LTBP1: variants seen among roughly 807,000 people sequenced by gnomAD.
LTBP1 encodes latent transforming growth factor beta binding protein 1.
Under a neutral mutation model 207.6 loss-of-function variants are expected in LTBP1, and 129 were observed. The ratio of observed to expected loss-of-function variants is 0.62; its 90% CI spans 0.54 to 0.72. The LOEUF (loss-of-function observed/expected upper bound fraction) is 0.72, where lower values mean the gene tolerates loss of function less well. Among genes scored for constraint, LTBP1 ranks in the 30% least tolerant of loss-of-function variants. LTBP1 has a pLI of 0.00. For missense variants in LTBP1, 2,281 were observed against 2,217.2 expected, an observed-to-expected ratio of 1.03 and a Z score of -0.58; for synonymous variants, 963 against 833.7, an observed-to-expected ratio of 1.16 and a Z score of -2.67.
intron 3 of LTBP1, among the ~76,000 whole-genome samples, chr2:33,098,772 T>G (rs1300904022): frequency 6.6e-6 from 1 of 152,152 alleles, no homozygotes; most frequent in Non-Finnish European, 1.5e-5. Context: ...AGTCAATATA[T>G]TTTTTCCGAA....
intron 7 of LTBP1, among the ~76,000 whole-genome samples, chr2:33,207,437 T>C (rs1372640736): frequency 2.6e-5 from 4 of 152,178 alleles, no homozygotes; most frequent in Non-Finnish European, 5.9e-5. Flanking sequence ...AGGATTATAG[T>C]TGTATCAGAT....
At chr2:33,049,277 A>G (rs1354362984) in intron 3 of LTBP1, among the ~76,000 whole-genome samples, 3 of 152,218 alleles carry the variant, frequency 2.0e-5, no homozygotes, top group East Asian at 3.8e-4. Context: ...TTTTCCAATA[A>G]GTTTGTAAGA....
chr2:33,262,980 CAGCATTGTA>C (rs2093061363), intron 14 of LTBP1, among the ~76,000 whole-genome samples, 159 bp downstream of exon 14: 1 of 151,182 alleles, frequency 6.6e-6, no homozygotes, highest in Admixed American at 6.6e-5. Context: ...AGCATAATTA[CAGCATTGTA>C]AGGATTGTAG....
At chr2:33,083,839 A>G (rs1490167001) in intron 3 of LTBP1, among the ~76,000 whole-genome samples, 1 of 152,212 alleles carries the variant, frequency 6.6e-6, no homozygotes, top group East Asian at 1.9e-4. Flanking sequence ...GTTATTCACG[A>G]AGGGAACATT....
intron 31 of LTBP1, among the ~76,000 whole-genome samples, chr2:33,387,942 C>T (rs1264970044): frequency 1.3e-5 from 2 of 152,202 alleles, no homozygotes; most frequent in Non-Finnish European, 2.9e-5. Flanking sequence ...GGGCCTGTAG[C>T]CTGCCTGCAC....
chr2:33,243,716 C>CCATG lies in LTBP1; in HGVS notation c.1932_1935dup (p.Gly646HisfsTer24). 6.2e-7 allele frequency: 1 copy of CCATG among 1,613,206 alleles called. No individual in the cohort carries two copies. The highest frequency in any genetic ancestry group is 8.5e-7 in the Non-Finnish European group (1 of 1,179,182). Reference sequence around the variant, plus strand: ...TGCCCTAATGGTGAGTGTTTGAATACCATGGGCAGCTATCGATGTACCTGC... The same window carrying CCATG: ...TGCCCTAATGGTGAGTGTTTGAATACCATGCATGGGCAGCTATCGATGTACCTGC... On this transcript the variant is annotated frameshift_variant, in exon 10 of 34. Coordinates refer to ENST00000404816, the MANE Select transcript of LTBP1 (RefSeq NM_206943.4). LOFTEE classifies it high-confidence loss of function.
chr2:33,127,686 G>C (rs1444775794), intron 4 of LTBP1, among the ~76,000 whole-genome samples: 1 of 152,202 alleles, frequency 6.6e-6, no homozygotes, highest in Admixed American at 6.5e-5. Context: ...GGGAAAAGTG[G>C]AGAAATATCC....
At chr2:33,232,660 A>T (rs951165961) in intron 9 of LTBP1, among the ~76,000 whole-genome samples, 3 of 152,178 alleles carry the variant, frequency 2.0e-5, no homozygotes, top group African/African-American at 7.2e-5. Flanking sequence ...CAGATAAACA[A>T]CAAATAGGTT....
intron 6 of LTBP1, 71 bp from the exon 7 acceptor site, chr2:33,188,506 C>G: frequency 8.0e-7 from 1 of 1,251,468 alleles, no homozygotes; most frequent in Non-Finnish European, 1.1e-6. Context: ...AATTTACTTT[C>G]ATGTTTTAAA....
intron 13 of LTBP1, among the ~76,000 whole-genome samples, chr2:33,262,031 C>T (rs2093026049): frequency 6.6e-6 from 1 of 152,156 alleles, no homozygotes; most frequent in South Asian, 2.1e-4. Context: ...GAGCCCTGCA[C>T]AGTTGTAAAT....
intron 2 of LTBP1, among the ~76,000 whole-genome samples, chr2:32,974,400 G>C (rs1377081098): frequency 6.6e-6 from 1 of 152,164 alleles, no homozygotes; most frequent in South Asian, 2.1e-4. Flanking sequence ...AGAAATGTCT[G>C]TTCAAGTCTT....
chr2:33,069,650 A>G (rs1434429904), intron 3 of LTBP1, among the ~76,000 whole-genome samples: 1 of 152,268 alleles, frequency 6.6e-6, no homozygotes, highest in Admixed American at 6.5e-5. Context: ...AGACATCTGC[A>G]TCCAGACCAG....
intron 31 of LTBP1, among the ~76,000 whole-genome samples, chr2:33,380,786 A>T (rs2095204484): frequency 6.6e-6 from 1 of 152,214 alleles, no homozygotes; most frequent in Non-Finnish European, 1.5e-5. Context: ...AGCACTCTAA[A>T]GTGAACAATT....
At chr2:33,007,261 G>A (rs1229147420) in intron 2 of LTBP1, among the ~76,000 whole-genome samples, 8 of 152,220 alleles carry the variant, frequency 5.3e-5, no homozygotes, top group South Asian at 4.1e-4. Flanking sequence ...GATTACAGGC[G>A]TGAGCCATCA....
chr2:33,133,407 T>A (rs1277626750), intron 4 of LTBP1, among the ~76,000 whole-genome samples: 2 of 152,206 alleles, frequency 1.3e-5, no homozygotes, highest in Admixed American at 1.3e-4. Flanking sequence ...GCACTGCTTC[T>A]TGACGGCCTT....
At chr2:33,232,961 A>G (rs1032339958) in intron 9 of LTBP1, among the ~76,000 whole-genome samples, 1 of 152,120 alleles carries the variant, frequency 6.6e-6, no homozygotes, top group Non-Finnish European at 1.5e-5. Context: ...TCCTTTGTAG[A>G]TAATGTGTTT....
chr2:33,339,804 C>T (rs1297099131), intron 24 of LTBP1, among the ~76,000 whole-genome samples: 1 of 151,972 alleles, frequency 6.6e-6, no homozygotes, highest in African/African-American at 2.4e-5. Context: ...CACCACCACA[C>T]CCGGCTAATT....
intron 3 of LTBP1, among the ~76,000 whole-genome samples, chr2:33,034,273 T>G (rs2149345312): frequency 6.6e-6 from 1 of 152,104 alleles, no homozygotes; most frequent in South Asian, 2.1e-4. Context: ...TCAGACTTCT[T>G]TAGAATAAGT....
At chr2:33,180,296 C>G (rs539860361) in intron 5 of LTBP1, among the ~76,000 whole-genome samples, 1 of 152,296 alleles carries the variant, frequency 6.6e-6, no homozygotes, top group East Asian at 1.9e-4. Context: ...ATTCTTCTTT[C>G]TTGGTCATGT....
Sources: gnomAD v4.1 joint callset for allele counts (sites outside exome capture counted in the v4.1 genomes callset) on GRCh38, gnomAD v4.1.1 for gene constraint, MANE v1.5 for transcripts, NCBI Gene and HGNC (gene_info 2026-07-23, HGNC 2026-07-21) for gene names.